The following DNAJC10 variants were observed in gnomAD, a reference collection of about 807,000 sequenced individuals.
DNAJC10 encodes the protein endoplasmic reticulum disulfide reductase DNAJC10.
A neutral mutation model predicts 115.0 loss-of-function variants in DNAJC10; 101 were observed. That is an observed-to-expected ratio of 0.88 (90% CI 0.75 to 1.04). DNAJC10 has a LOEUF of 1.04. DNAJC10 is among the 50% of genes least tolerant of loss of function. The probability of loss-of-function intolerance (pLI) is 0.00; values close to 1 mark genes in which losing one functional copy is unlikely to be tolerated. For missense variants in DNAJC10, 981 were observed against 928.8 expected, an observed-to-expected ratio of 1.06 and a Z score of -0.73; for synonymous variants, 307 against 301.5, an observed-to-expected ratio of 1.02 and a Z score of -0.19.
chr2:182,727,709 CT>C (rs1487967707), intron 5 of DNAJC10, among the ~76,000 whole-genome samples: 1 of 152,098 alleles, frequency 6.6e-6, no homozygotes, highest in South Asian at 2.1e-4. Flanking sequence ...GATTTAATGT[CT>C]TACTGTAATT....
chr2:182,765,818 TA>T (rs1265008076), intron 22 of DNAJC10, among the ~76,000 whole-genome samples: 3 of 152,366 alleles, frequency 2.0e-5, no homozygotes, highest in Non-Finnish European at 4.4e-5. Flanking sequence ...TTGTATGTGC[TA>T]AAGTTGCAAT....
rs1328185466 is a variant in DNAJC10, at chr2:182,792,358, C to A, written c.*15226C>A. On this transcript the variant is annotated 3_prime_UTR_variant, in exon 24 of 24. Transcript: ENST00000264065. ...TGGAACAGGATAACATTTTGAGGTACAAAAAATAATGAAGAGGATATATTC... is the reference window on the plus strand; with the variant it reads ...TGGAACAGGATAACATTTTGAGGTAAAAAAAATAATGAAGAGGATATATTC... The A allele has an allele frequency of 6.6e-6, 1 of 152,020 alleles. No homozygotes were observed. Among genetic ancestry groups the A allele is most frequent in the Non-Finnish European group, 1.5e-5 (1 of 67,988 alleles). The allele number at this position is 152,020 out of a possible 1,614,324, so 9.4% of individuals were successfully genotyped here. A position where few individuals can be genotyped will look rare whatever the true frequency, so the allele number is the denominator to read the frequency against.
At chr2:182,726,507 T>G (rs895036987) in intron 5 of DNAJC10, among the ~76,000 whole-genome samples, 2 of 152,022 alleles carry the variant, frequency 1.3e-5, no homozygotes, top group Non-Finnish European at 2.9e-5. Context: ...TTGAAAGAAG[T>G]TCTACTGTGG....
rs1365556466 is a variant in DNAJC10 at position 182,781,497 on chromosome 2, T to C, written c.*4365T>C. ...TATACCCAGTAACGGGATTGCTGGG[T>C]CAAATGGTATTTCTATTTCTAGATC... On this transcript the variant is annotated 3_prime_UTR_variant, in exon 24 of 24. Coordinates refer to ENST00000264065, the MANE Select transcript of DNAJC10 (RefSeq NM_018981.4). 1.3e-5 allele frequency: 2 copies of C among 152,206 alleles called. No individual in the cohort carries two copies. The highest frequency in any genetic ancestry group is 2.9e-5 in the Non-Finnish European group (2 of 68,040). The allele number at this position is 152,206 out of a possible 1,614,324, so 9.4% of individuals were successfully genotyped here. A position where few individuals can be genotyped will look rare whatever the true frequency, so the allele number is the denominator to read the frequency against.
chr2:182,733,782 CAGATAGATAGATAGATAGAT>C (rs61416628), intron 10 of DNAJC10, among the ~76,000 whole-genome samples: 2 of 142,436 alleles, frequency 1.4e-5, no homozygotes, highest in East Asian at 4.0e-4. Context: ...CAATCTCTCT[CAGATAGATAGATAGATAGAT>C]AGATAGATAG....
Position 182,775,366 on chromosome 2 carries a change from T to C in DNAJC10, c.2316T>C (p.Ala772=), listed in dbSNP as rs778069972. ...ATACCAGAGATGCAAAAGCAATCGCTGCCTTAATAAGTGAAAAATTGGAAA... is the reference window on the plus strand; with the variant it reads ...ATACCAGAGATGCAAAAGCAATCGCCGCCTTAATAAGTGAAAAATTGGAAA... ...QINTRDAKAI[A]ALISEKLETL... The change falls in exon 23 of 24, where the codon GCT becomes GCC. Residue 772 remains alanine (A), a synonymous_variant. Coordinates refer to ENST00000264065, the MANE Select transcript of DNAJC10 (RefSeq NM_018981.4). 7 of 1,613,366 alleles carry C rather than the reference T, an allele frequency of 4.3e-6. No homozygotes were observed. In the Admixed American group the frequency reaches 1.2e-4, roughly 27 times the overall value.
chr2:182,760,698 G>A (rs288331), intron 21 of DNAJC10, among the ~76,000 whole-genome samples: 97,893 of 151,950 alleles, frequency 0.64, 31,859 homozygotes, highest in Middle Eastern at 0.73. Context: ...CTTGCCACTA[G>A]TGTTGGTATA....
intron 11 of DNAJC10, among the ~76,000 whole-genome samples, chr2:182,737,528 C>G (rs1404998453): frequency 1.3e-5 from 2 of 152,144 alleles, no homozygotes; most frequent in Admixed American, 1.3e-4. Context: ...CAGCAATTCT[C>G]TAGTTTATAC....
At chr2:182,749,667 A>G (rs1216950686) in intron 14 of DNAJC10, among the ~76,000 whole-genome samples, 1 of 152,098 alleles carries the variant, frequency 6.6e-6, no homozygotes, top group Non-Finnish European at 1.5e-5. Flanking sequence ...TTTAAAGTTA[A>G]TATTGTTATG....
chr2:182,750,484 G>T (rs1693987381), intron 14 of DNAJC10, among the ~76,000 whole-genome samples: 1 of 152,130 alleles, frequency 6.6e-6, no homozygotes, highest in South Asian at 2.1e-4. Context: ...AAAAGGAGCA[G>T]GTTTGGAGGA....
rs1307661583 is a variant in DNAJC10 at position 182,782,979 on chromosome 2, G to A, written c.*5847G>A. 6.6e-6 allele frequency: 1 copy of A among 152,160 alleles called. No homozygotes were observed. Among genetic ancestry groups the A allele is most frequent in the Non-Finnish European group, 1.5e-5 (1 of 68,036 alleles). The allele number at this position is 152,160 out of a possible 1,614,324, so 9.4% of individuals were successfully genotyped here. A position where few individuals can be genotyped will look rare whatever the true frequency, so the allele number is the denominator to read the frequency against. On this transcript the variant is annotated 3_prime_UTR_variant, in exon 24 of 24. Transcript: ENST00000264065. ...TGGTGAGAGAGGGCATCCTTGTCTT[G>A]TGCCGGTTTTCAAAGGGAATGCTTG...
chr2:182,748,572 T>G (rs1345329247), intron 14 of DNAJC10, among the ~76,000 whole-genome samples: 1 of 152,230 alleles, frequency 6.6e-6, no homozygotes, highest in African/African-American at 2.4e-5. Context: ...GGATTGGTGG[T>G]GATATCCCCT....
chr2:182,717,900 T>C (rs1242555359), intron 2 of DNAJC10, 41 bp from the exon 3 acceptor site: 2 of 462,704 alleles, frequency 4.3e-6, no homozygotes, highest in East Asian at 3.3e-5. Flanking sequence ...TATTATTGTT[T>C]AGTTCAAAAT....
In DNAJC10 at chr2:182,794,198, G is replaced by C. The variant is rs1483421357; in HGVS notation, c.*17066G>C. 6.6e-6 allele frequency: 1 copy of C among 152,348 alleles called. No individual in the cohort carries two copies. Among genetic ancestry groups the C allele is most frequent in the South Asian group, 2.1e-4 (1 of 4,822 alleles). The allele number at this position is 152,348 out of a possible 1,614,324, so 9.4% of individuals were successfully genotyped here. ...GGGGCAGATGGGGCGAGAGAGCAGA[G>C]AGCTTGGGAAAGAAGTCTCTGAGGA... On this transcript the variant is annotated 3_prime_UTR_variant, in exon 24 of 24. Coordinates refer to ENST00000264065, the MANE Select transcript of DNAJC10 (RefSeq NM_018981.4).
At chr2:182,741,559 A>G (rs1218311411) in intron 13 of DNAJC10, among the ~76,000 whole-genome samples, 1 of 152,016 alleles carries the variant, frequency 6.6e-6, no homozygotes, top group Non-Finnish European at 1.5e-5. Context: ...ATTTTCACTT[A>G]TTTTGGCATT....
rs368855731 is a variant in DNAJC10 at position 182,794,391 on chromosome 2, C to G, written c.*17259C>G. ...AAATGTCATTCTAGATTTGATTCTA[C>G]TGTTTGTCTTTGCAGTGAGCTATGT... On this transcript the variant is annotated 3_prime_UTR_variant, in exon 24 of 24. Coordinates refer to ENST00000264065, the MANE Select transcript of DNAJC10 (RefSeq NM_018981.4). The G allele has an allele frequency of 4.1e-4, 62 of 152,272 alleles. No homozygotes were observed. Among genetic ancestry groups the G allele is most frequent in the African/African-American group, 1.4e-3 (60 of 41,558 alleles). The allele number at this position is 152,272 out of a possible 1,614,324, so 9.4% of individuals were successfully genotyped here. A position where few individuals can be genotyped will look rare whatever the true frequency, so the allele number is the denominator to read the frequency against.
rs1695020974 is a variant in DNAJC10, at chr2:182,789,997, C to T, written c.*12865C>T. ...TCATACCATGCTTTGTATTACTTTCCCATTTGGATGCCCTTTTCATCCTTC... is the reference window on the plus strand; with the variant it reads ...TCATACCATGCTTTGTATTACTTTCTCATTTGGATGCCCTTTTCATCCTTC... On this transcript the variant is annotated 3_prime_UTR_variant, in exon 24 of 24. Coordinates refer to ENST00000264065, the MANE Select transcript of DNAJC10 (RefSeq NM_018981.4). 6.6e-6 allele frequency: 1 copy of T among 152,060 alleles called. No individual in the cohort carries two copies. The highest frequency in any genetic ancestry group is 2.1e-4 in the South Asian group (1 of 4,818). The allele number at this position is 152,060 out of a possible 1,614,324, so 9.4% of individuals were successfully genotyped here.
chr2:182,746,728 A>C (rs1024869045), intron 14 of DNAJC10, among the ~76,000 whole-genome samples: 2 of 151,952 alleles, frequency 1.3e-5, no homozygotes, highest in African/African-American at 4.8e-5. Flanking sequence ...GAAGCTCTTT[A>C]GTTTAATTAG....
chr2:182,775,323 T>G lies in DNAJC10; in HGVS notation c.2273T>G (p.Phe758Cys), dbSNP rs771983480. The G allele has an allele frequency of 2.5e-6, 4 of 1,602,250 alleles. No homozygotes were observed. In the Admixed American group the frequency reaches 6.7e-5, roughly 27 times the overall value. The stretch of plus-strand genomic sequence containing the variant: ...AAGTGTTTTTAATTTTAGAGAAATT[T>G]TCAAGAAGAGCAGATAAATACCAGA... ...FYFYERAKRN[F>C]QEEQINTRDA... The change falls in exon 23 of 24, where the codon TTT becomes TGT. Residue 758 changes from phenylalanine to cysteine, a missense_variant. Physicochemically the swap from Phe to Cys is radical, Grantham distance 205. Coordinates refer to ENST00000264065, the MANE Select transcript of DNAJC10 (RefSeq NM_018981.4).
Sources: allele counts gnomAD v4.1 joint callset (sites outside exome capture counted in the v4.1 genomes callset), GRCh38; gene constraint gnomAD v4.1.1; transcripts MANE v1.5; gene names NCBI Gene and HGNC (gene_info 2026-07-23, HGNC 2026-07-21).